The following CADM3 variants were observed in gnomAD, a reference collection of about 807,000 sequenced individuals.
CADM3 encodes cell adhesion molecule 3, also known as TSLC1-like 1.
In CADM3, 11 loss-of-function variants were observed where a neutral mutation model predicts 44.9. The ratio of observed to expected loss-of-function variants is 0.25; its 90% CI spans 0.15 to 0.41. The LOEUF (loss-of-function observed/expected upper bound fraction) is 0.41, where lower values mean the gene tolerates loss of function less well. Ranked by LOEUF, CADM3 falls within the 10% of genes least tolerant of loss-of-function variation. The pLI, the probability that CADM3 is intolerant of heterozygous loss-of-function variation, is 1.00. For missense variants in CADM3, 426 were observed against 512.0 expected, an observed-to-expected ratio of 0.83 and a Z score of 1.62; for synonymous variants, 207 against 205.2, an observed-to-expected ratio of 1.01 and a Z score of -0.08.
chr1:159,183,409 GA>G (rs927769152), intron 1 of CADM3, among the ~76,000 whole-genome samples: 3 of 152,150 alleles, frequency 2.0e-5, no homozygotes, highest in African/African-American at 7.2e-5. Flanking sequence ...ACTATAGGAG[GA>G]AAAACCAGAC....
At position 159,186,252 on chromosome 1, in the gene CADM3, A is replaced by T. The variant is rs1195009466; in HGVS notation, c.89-5684A>T. ...AAACTGAAATGAAGCTCGGCATCAGACTGTACAGGACCTTGAAGGCTAGGC... is the reference window on the plus strand; with the variant it reads ...AAACTGAAATGAAGCTCGGCATCAGTCTGTACAGGACCTTGAAGGCTAGGC... On this transcript the variant is annotated intron_variant, in intron 1 of 8. Coordinates refer to ENST00000368125, the MANE Select transcript of CADM3 (RefSeq NM_001127173.3). Among the ~76,000 whole-genome samples, 13 of 152,306 alleles carry T rather than the reference A, an allele frequency of 8.5e-5. No homozygotes were observed. The East Asian group carries it at 2.5e-3, about 29-fold the overall frequency.
intron 7 of CADM3, 76 bp downstream of exon 7, chr1:159,197,136 T>C: frequency 6.8e-7 from 1 of 1,479,570 alleles, no homozygotes. Context: ...AAATGCTTCC[T>C]GATAACATCC....
Position 159,172,562 on chromosome 1 carries a change from C to CGGGGTG in CADM3, c.88+715_88+720dup, listed in dbSNP as rs1213284007. Among the ~76,000 whole-genome samples the CGGGGTG allele has an allele frequency of 4.6e-5, 7 of 151,790 alleles. No individual in the cohort carries two copies. The East Asian group carries it at 1.4e-3, about 29-fold the overall frequency. ...AAAAGAAATCCGACAGGAGCAGAGGCGGGGTGGGGGTAGGGGGGAGCGCAA... is the reference window on the plus strand; with the variant it reads ...AAAAGAAATCCGACAGGAGCAGAGGCGGGGTGGGGGTGGGGGTAGGGGGGAGCGCAA... On this transcript the variant is annotated intron_variant, in intron 1 of 8. Transcript: ENST00000368125.
chr1:159,198,067 C>T (rs1274850297), intron 7 of CADM3: 1 of 152,206 alleles, frequency 6.6e-6, no homozygotes, highest in Non-Finnish European at 1.5e-5. Context: ...GTTCTTGTGC[C>T]CTTGTGGTTG....
Position 159,196,955 on chromosome 1 carries a change from G to T in CADM3, c.847G>T (p.Ala283Ser). 1 of 1,614,002 alleles carries T rather than the reference G, an allele frequency of 6.2e-7. No individual in the cohort carries two copies. Among genetic ancestry groups the T allele is most frequent in the Non-Finnish European group, 8.5e-7 (1 of 1,179,990 alleles). Residue 283 changes from alanine to serine, a missense_variant, in exon 7 of 9, where the codon GCC becomes TCC. By Grantham distance (99) the Ala-to-Ser change is moderately conservative (BLOSUM62 1). This residue lies in a region of CADM3 where 362 missense variants were observed against 474.6 expected (regional missense o/e 0.76). Transcript: ENST00000368125. ...VPPLKMTQES[A>S]LIFPFLNKSD... is the part of the protein sequence containing the mutation. ...ACCCCTGAAGATGACCCAGGAGAGT[G>T]CCCTGATCTTCCCTTTCCTCAACAA...
At position 159,200,940 on chromosome 1, in the gene CADM3, C is replaced by G; in HGVS notation, c.*18C>G. On this transcript the variant is annotated 3_prime_UTR_variant, in exon 9 of 9. Coordinates refer to ENST00000368125, the MANE Select transcript of CADM3 (RefSeq NM_001127173.3). ...TCATCTAGAGGCGCCTGCCCACTTC[C>G]TGCGCCCCCCAGGGGCCCTGTGGGG... The G allele has an allele frequency of 3.8e-6, 6 of 1,568,138 alleles. No individual in the cohort carries two copies. Among genetic ancestry groups the G allele is most frequent in the Non-Finnish European group, 5.2e-6 (6 of 1,153,148 alleles).
At chr1:159,187,384 C>T (rs976942091) in intron 1 of CADM3, among the ~76,000 whole-genome samples, 3 of 152,154 alleles carry the variant, frequency 2.0e-5, no homozygotes, top group Non-Finnish European at 2.9e-5. Context: ...ATAAGAAACA[C>T]AGAATGTCAA....
Position 159,193,538 on chromosome 1 carries a change from A to G in CADM3, c.498A>G (p.Arg166=). The G allele has an allele frequency of 1.9e-6, 3 of 1,614,186 alleles. No homozygotes were observed. In the East Asian group the frequency reaches 6.7e-5, roughly 36 times the overall value. ...GSKPAARLTW[R]KGDQELHGEP... is the part of the protein sequence containing the mutation. Reference sequence around the variant, plus strand: ...AGCCTGCAGCCCGGCTCACCTGGAGAAAGGGTGACCAAGAACTCCACGGTG... The same window carrying G: ...AGCCTGCAGCCCGGCTCACCTGGAGGAAGGGTGACCAAGAACTCCACGGTG... Residue 166 remains arginine, a synonymous_variant, in exon 4 of 9, where the codon AGA becomes AGG. Transcript: ENST00000368125.
rs1649787631 is a variant in CADM3, at chr1:159,194,006, T to G, written c.657T>G (p.Ala219=). 1 of 1,614,008 alleles carries G rather than the reference T, an allele frequency of 6.2e-7. No homozygotes were observed. Among genetic ancestry groups the G allele is most frequent in the African/African-American group, 1.3e-5 (1 of 74,910 alleles). The change falls in exon 5 of 9, where the codon GCT becomes GCG. Residue 219 remains alanine, a synonymous_variant. Coordinates refer to ENST00000368125, the MANE Select transcript of CADM3 (RefSeq NM_001127173.3). ...TGAACCATGAATCTCTAAAGGGAGC[T>G]GACAGATCCACCTCTCAACGCATTG... is the stretch of plus-strand genomic sequence containing the variant. ...CSVNHESLKG[A]DRSTSQRIEV...
rs1265115425 is a variant in CADM3, at chr1:159,201,030, C to A, written c.*108C>A. 1.6e-6 allele frequency: 1 copy of A among 626,654 alleles called. No homozygotes were observed. 38.8% of individuals were successfully genotyped at this position (626,654 alleles called of 1,614,324 possible). On this transcript the variant is annotated 3_prime_UTR_variant, in exon 9 of 9. Coordinates refer to ENST00000368125, the MANE Select transcript of CADM3 (RefSeq NM_001127173.3). ...ACCGCAGGGCCGCCCCTCCCGCTTG[C>A]TCCCCAGCCCACCCACCCCCCTGTA... is the stretch of plus-strand genomic sequence containing the variant.
intron 1 of CADM3, among the ~76,000 whole-genome samples, chr1:159,186,504 C>T (rs897697113): frequency 6.6e-6 from 1 of 152,126 alleles, no homozygotes; most frequent in Non-Finnish European, 1.5e-5. Context: ...CCTAAGTTTT[C>T]CCTTCCAGTC....
intron 1 of CADM3, 22 bp downstream of exon 1, chr1:159,171,875 G>A: frequency 8.1e-7 from 1 of 1,228,634 alleles, no homozygotes; most frequent in Non-Finnish European, 1.0e-6. Flanking sequence ...AGGGGGCGGC[G>A]CCTGGGGAGG....
rs1379654053 is a variant in CADM3 at position 159,196,949 on chromosome 1, G to A, written c.841G>A (p.Glu281Lys). Residue 281 changes from glutamate (E) to lysine (K), a missense_variant, in exon 7 of 9, where the codon GAG becomes AAG. Around this residue, in one of 2 missense-constraint regions of CADM3, gnomAD observed 362 missense variants for 474.6 expected, o/e 0.76. Coordinates refer to ENST00000368125, the MANE Select transcript of CADM3 (RefSeq NM_001127173.3). ...GSVPPLKMTQ[E>K]SALIFPFLNK... ...TGTGCCACCCCTGAAGATGACCCAG[G>A]AGAGTGCCCTGATCTTCCCTTTCCT... is the stretch of plus-strand genomic sequence containing the variant. 1.2e-6 allele frequency: 2 copies of A among 1,613,952 alleles called. No homozygotes were observed. The highest frequency in any genetic ancestry group is 1.3e-5 in the African/African-American group (1 of 74,872).
chr1:159,196,855 C>T, intron 6 of CADM3, 36 bp from the exon 7 acceptor site: 2 of 1,595,864 alleles, frequency 1.3e-6, no homozygotes, highest in Non-Finnish European at 1.7e-6. Context: ...CTGGCCTATG[C>T]TCTCCTGAGC....
intron 1 of CADM3, among the ~76,000 whole-genome samples, chr1:159,173,118 A>G (rs1648882648): frequency 6.6e-6 from 1 of 151,322 alleles, no homozygotes; most frequent in South Asian, 2.1e-4. Flanking sequence ...GGTGGTGGCT[A>G]TGCCCGGCCA....
At chr1:159,197,528 AT>A (rs1649956616) in intron 7 of CADM3, 1 of 153,420 alleles carries the variant, frequency 6.5e-6, no homozygotes, top group Non-Finnish European at 1.5e-5. Context: ...TGGACAGAAA[AT>A]AGAGAGAAGC....
intron 1 of CADM3, among the ~76,000 whole-genome samples, chr1:159,179,023 A>G (rs1468037263): frequency 6.6e-6 from 1 of 152,164 alleles, no homozygotes; most frequent in Non-Finnish European, 1.5e-5. Context: ...ACAGGTAATG[A>G]GAGTGATTTA....
rs763823746 is a variant in CADM3, at chr1:159,196,346, C to T, written c.692-18C>T. On this transcript the variant is annotated intron_variant, in intron 5 of 8. Coordinates refer to ENST00000368125, the MANE Select transcript of CADM3 (RefSeq NM_001127173.3). ...CCGTGTGGGGAGGTATTCATTGATACCATTTCCTTCTCCACAGACACACCA... is the reference window on the plus strand; with the variant it reads ...CCGTGTGGGGAGGTATTCATTGATATCATTTCCTTCTCCACAGACACACCA... 2 of 1,606,498 alleles carry T rather than the reference C, an allele frequency of 1.2e-6. No individual in the cohort carries two copies. Among genetic ancestry groups the T allele is most frequent in the Non-Finnish European group, 8.5e-7 (1 of 1,173,158 alleles).
intron 1 of CADM3, among the ~76,000 whole-genome samples, chr1:159,181,695 T>C (rs1447405400): frequency 6.6e-6 from 1 of 152,106 alleles, no homozygotes; most frequent in East Asian, 1.9e-4. Context: ...TTGCTACAAC[T>C]CAGTATTGGC....
Sources: allele counts gnomAD v4.1 joint callset (sites outside exome capture counted in the v4.1 genomes callset), GRCh38; gene constraint gnomAD v4.1.1; regional missense constraint gnomAD v4.1.1; transcripts MANE v1.5; gene names NCBI Gene and HGNC (gene_info 2026-07-23, HGNC 2026-07-21).